CMPK2: variants seen among roughly 807,000 people sequenced by gnomAD.
CMPK2 encodes the protein UMP-CMP kinase 2, mitochondrial.
In CMPK2, 32 loss-of-function variants were observed where a neutral mutation model predicts 33.4. The ratio of observed to expected loss-of-function variants is 0.96; its 90% CI spans 0.72 to 1.29. The LOEUF (loss-of-function observed/expected upper bound fraction) is 1.29. Among genes scored for constraint, CMPK2 ranks in the 50% most tolerant of loss-of-function variants. The pLI is 0.00. For missense variants in CMPK2, 672 were observed against 616.0 expected (o/e 1.09, Z -0.96); for synonymous variants, 299 against 275.3 (o/e 1.09, Z -0.85).
intron 2 of CMPK2, chr2:6,862,058 G>GAGA (rs1181254677): frequency 2.6e-5 from 4 of 152,362 alleles, no homozygotes; most frequent in African/African-American, 9.7e-5. Context: ...AGGTGGTGAT[G>GAGA]AGAAGATCTA....
Position 6,865,174 on chromosome 2 carries a change from G to T in CMPK2, c.523C>A (p.Arg175Ser). 3 of 1,533,618 alleles carry T rather than the reference G, an allele frequency of 2.0e-6. No individual in the cohort carries two copies. Among genetic ancestry groups the T allele is most frequent in the Non-Finnish European group, 2.6e-6 (3 of 1,142,808 alleles). Residue 175 changes from arginine to serine, a missense_variant, in exon 1 of 5, where the codon CGC (arginine) becomes AGC (serine). Physicochemically the swap from Arg to Ser is moderately radical, Grantham distance 110 (BLOSUM62 -1). Coordinates refer to ENST00000256722, the MANE Select transcript of CMPK2 (RefSeq NM_207315.4). ...EADPRGQLWQRLWEVQDGRRL... is the reference protein window; with the variant it reads ...EADPRGQLWQSLWEVQDGRRL... ...CTGCCGTCTTGCACCTCCCAGAGGC[G>T]CTGCCACAGCTGGCCGCGCGGGTCG...
At chr2:6,850,698 T>C in intron 4 of CMPK2, 1 of 945,932 alleles carries the variant, frequency 1.1e-6, no homozygotes, top group South Asian at 4.9e-5. Flanking sequence ...ACAAGTAAAT[T>C]GCTTAACATA....
At chr2:6,863,131 C>T (rs774844117) in intron 2 of CMPK2, among the ~76,000 whole-genome samples, 11 of 152,180 alleles carry the variant, frequency 7.2e-5, no homozygotes, top group Non-Finnish European at 1.5e-4. Flanking sequence ...TACCTGCTTT[C>T]ATCACCTGAC....
intron 3 of CMPK2, chr2:6,840,774 A>C: frequency 1.5e-6 from 1 of 673,084 alleles, no homozygotes; most frequent in South Asian, 1.6e-5. Flanking sequence ...GAATTCTGAT[A>C]ACTGTTTTAA....
chr2:6,852,577 T>A (rs1662556524), intron 3 of CMPK2, among the ~76,000 whole-genome samples: 3 of 152,220 alleles, frequency 2.0e-5, no homozygotes, highest in Admixed American at 1.3e-4. Flanking sequence ...TACGTGACTC[T>A]ACTGAAAAAC....
chr2:6,861,456 C>G, intron 2 of CMPK2, 71 bp from the exon 3 acceptor site: 7 of 1,154,782 alleles, frequency 6.1e-6, no homozygotes, highest in Non-Finnish European at 8.9e-6. Context: ...AGAAAGAGCA[C>G]AGACGTTCTC....
Position 6,865,228 on chromosome 2 carries a change from G to T in CMPK2, c.469C>A (p.Pro157Thr), listed in dbSNP as rs765352510. The stretch of plus-strand genomic sequence containing the variant: ...TCGAACTCGCCCAAGTGCGGGCGTG[G>T]TGCCTCCTGACAGGCGCCCAGCAGC... ...LELLGACQEA[P>T]RPHLGEFEAD... Residue 157 changes from proline (P) to threonine (T), a missense_variant, in exon 1 of 5, where the codon CCA (proline) becomes ACA (threonine). Coordinates refer to ENST00000256722, the MANE Select transcript of CMPK2 (RefSeq NM_207315.4). 6.5e-7 allele frequency: 1 copy of T among 1,535,640 alleles called. No homozygotes were observed. Among genetic ancestry groups the T allele is most frequent in the Non-Finnish European group, 8.7e-7 (1 of 1,147,170 alleles).
intron 2 of CMPK2, among the ~76,000 whole-genome samples, chr2:6,863,107 T>C (rs896137619): frequency 2.6e-5 from 4 of 152,204 alleles, no homozygotes; most frequent in African/African-American, 9.7e-5. Flanking sequence ...CTATTTCTTC[T>C]GTCTGGAGGA....
At chr2:6,846,203 C>T (rs1662357437), downstream of CMPK2, among the ~76,000 whole-genome samples, 1 of 152,152 alleles carries the variant, frequency 6.6e-6, no homozygotes, top group South Asian at 2.1e-4. Flanking sequence ...GATAGGTTGC[C>T]CCCATAGCAA....
chr2:6,857,305 T>C (rs1662734494), intron 3 of CMPK2, among the ~76,000 whole-genome samples: 2 of 151,528 alleles, frequency 1.3e-5, no homozygotes, highest in South Asian at 2.1e-4. Flanking sequence ...TTCTTCTTTT[T>C]TGTTTTTTGT....
At chr2:6,844,591 T>G (rs185055014), downstream of CMPK2, among the ~76,000 whole-genome samples, 1 of 152,232 alleles carries the variant, frequency 6.6e-6, no homozygotes, top group Non-Finnish European at 1.5e-5. Flanking sequence ...TATGGGATCA[T>G]TGGCATTCCA....
At chr2:6,861,722 A>G (rs949189868) in intron 2 of CMPK2, among the ~76,000 whole-genome samples, 5 of 152,140 alleles carry the variant, frequency 3.3e-5, no homozygotes, top group Non-Finnish European at 5.9e-5. Context: ...CTTATTGTCT[A>G]TAGTTGATGA....
chr2:6,862,871 A>C lies in CMPK2; in HGVS notation c.790+593T>G, dbSNP rs192554249. ...CTCGGATGCTAGTTCTCCAACATCA[A>C]CCCTCTCCTCAGTGTGTCCTGGGCC... On this transcript the variant is annotated intron_variant, in intron 2 of 4. Transcript: ENST00000256722. Among the ~76,000 whole-genome samples, 51 of 152,054 alleles carry C rather than the reference A, an allele frequency of 3.4e-4. No individual in the cohort carries two copies. In the East Asian group the frequency reaches 9.5e-3, roughly 28 times the overall value.
intron 3 of CMPK2, among the ~76,000 whole-genome samples, chr2:6,855,126 A>AT (rs563762033): frequency 6.7e-6 from 1 of 149,272 alleles, no homozygotes; most frequent in Non-Finnish European, 1.5e-5. Context: ...GGTTTTTGCC[A>AT]TTAATAATAA....
In CMPK2 at chr2:6,865,245, C is replaced by G; in HGVS notation, c.452G>C (p.Gly151Ala). 1 of 1,536,164 alleles carries G rather than the reference C, an allele frequency of 6.5e-7. No individual in the cohort carries two copies. Among genetic ancestry groups the G allele is most frequent in the East Asian group, 2.5e-5 (1 of 39,480 alleles). Residue 151 changes from glycine (G) to alanine (A), a missense_variant, in exon 1 of 5, where the codon GGC (glycine) becomes GCC (alanine). Physicochemically the swap from Gly to Ala is moderately conservative, Grantham distance 60 (BLOSUM62 0). Coordinates refer to ENST00000256722, the MANE Select transcript of CMPK2 (RefSeq NM_207315.4). The part of the protein sequence containing the change: ...DTRQALLELL[G>A]ACQEAPRPHL... ...CGGGCGTGGTGCCTCCTGACAGGCGCCCAGCAGCTCGAGCAGCGCTTGCCG... is the reference window on the plus strand; with the variant it reads ...CGGGCGTGGTGCCTCCTGACAGGCGGCCAGCAGCTCGAGCAGCGCTTGCCG...
chr2:6,847,253 T>C (rs1662384944), downstream of CMPK2, among the ~76,000 whole-genome samples: 1 of 152,160 alleles, frequency 6.6e-6, no homozygotes, highest in Admixed American at 6.5e-5. Context: ...GAAGTTATGA[T>C]TCACAGAGGC....
At chr2:6,850,340 C>T (rs1354099186) in intron 4 of CMPK2, among the ~76,000 whole-genome samples, 2 of 152,170 alleles carry the variant, frequency 1.3e-5, no homozygotes, top group Non-Finnish European at 2.9e-5. Context: ...CAAATTTCCC[C>T]CAAGTCTGTG....
At chr2:6,857,387 T>C (rs1455125881) in intron 3 of CMPK2, among the ~76,000 whole-genome samples, 1 of 151,488 alleles carries the variant, frequency 6.6e-6, no homozygotes, top group African/African-American at 2.4e-5. Context: ...TCTTGCTTTG[T>C]CATTGCAGCC....
rs943190148 is a variant in CMPK2 at position 6,849,645 on chromosome 2, T to C, written c.*205A>G. ...CAATCGCTGGCCTCTCACTGGAACA[T>C]GATGAGAGGGACCTTTGTGATGACG... On this transcript the variant is annotated 3_prime_UTR_variant, in exon 5 of 5. Transcript: ENST00000256722. 1.2e-5 allele frequency: 17 copies of C among 1,396,326 alleles called. No homozygotes were observed. The highest frequency in any genetic ancestry group is 5.1e-5 in the South Asian group (3 of 59,204). 86.5% of individuals were successfully genotyped at this position (1,396,326 alleles called of 1,614,324 possible). A position where few individuals can be genotyped will look rare whatever the true frequency, so the allele number is the denominator to read the frequency against.
Sources: gnomAD v4.1 joint callset for allele counts (sites outside exome capture counted in the v4.1 genomes callset) on GRCh38, gnomAD v4.1.1 for gene constraint, MANE v1.5 for transcripts, NCBI Gene and HGNC (gene_info 2026-07-23, HGNC 2026-07-21) for gene names.